KIAA1549L: variants seen among roughly 807,000 people sequenced by gnomAD.
KIAA1549L encodes UPF0606 protein KIAA1549L.
Under a neutral mutation model 160.7 loss-of-function variants are expected in KIAA1549L, and 88 were observed. The observed-to-expected ratio is 0.55, with a 90% CI of 0.46 to 0.65. The LOEUF (loss-of-function observed/expected upper bound fraction) is 0.65, where lower values mean the gene tolerates loss of function less well. Among genes scored for constraint, KIAA1549L ranks in the 30% least tolerant of loss-of-function variants. KIAA1549L has a pLI of 0.00. For missense variants in KIAA1549L, 2,258 were observed against 2,437.5 expected (o/e 0.93, Z 1.55); for synonymous variants, 950 against 976.7 (o/e 0.97, Z 0.51).
intron 17 of KIAA1549L, among the ~76,000 whole-genome samples, chr11:33,651,214 G>A (rs542814632): frequency 1.4e-4 from 22 of 152,162 alleles, no homozygotes; most frequent in South Asian, 8.3e-4. Context: ...ATAGTCAGGC[G>A]GATCACAAGG....
At chr11:33,571,121 A>G (rs571392551) in intron 9 of KIAA1549L, among the ~76,000 whole-genome samples, 1 of 152,320 alleles carries the variant, frequency 6.6e-6, no homozygotes, top group African/African-American at 2.4e-5. Context: ...CGTCTCTACT[A>G]AAAATACAAA....
intron 16 of KIAA1549L, among the ~76,000 whole-genome samples, chr11:33,625,973 CATAT>C (rs1277166608): frequency 6.7e-6 from 1 of 149,688 alleles, no homozygotes; most frequent in East Asian, 1.9e-4. Flanking sequence ...CAGCTTTCTA[CATAT>C]GGCTAGCCAG....
intron 1 of KIAA1549L, among the ~76,000 whole-genome samples, chr11:33,538,912 T>C (rs1376354607): frequency 6.6e-6 from 1 of 152,230 alleles, no homozygotes; most frequent in Non-Finnish European, 1.5e-5. Context: ...TGCCTACAGA[T>C]AGCATAGGCT....
chr11:33,628,501 A>C (rs1851182934), intron 16 of KIAA1549L, among the ~76,000 whole-genome samples: 1 of 150,088 alleles, frequency 6.7e-6, no homozygotes. Context: ...TAGGATAGTT[A>C]GCTCTTCTTG....
At chr11:33,530,065 C>G (rs571593628) in intron 1 of KIAA1549L, among the ~76,000 whole-genome samples, 50 of 151,920 alleles carry the variant, frequency 3.3e-4, no homozygotes, top group Non-Finnish European at 6.2e-4. Context: ...ACTTGACTCC[C>G]CTTTGGGCCA....
intron 1 of KIAA1549L, among the ~76,000 whole-genome samples, chr11:33,418,948 G>A (rs1338886595): frequency 6.6e-6 from 1 of 151,012 alleles, no homozygotes; most frequent in Non-Finnish European, 1.5e-5. Flanking sequence ...CACCCAGGCT[G>A]GAATGTCGTG....
intron 11 of KIAA1549L, among the ~76,000 whole-genome samples, chr11:33,590,179 C>T (rs1396857469): frequency 6.6e-6 from 1 of 152,212 alleles, no homozygotes; most frequent in East Asian, 1.9e-4. Context: ...CTCTCACAAA[C>T]ATATAAATTG....
chr11:33,446,274 T>C (rs1411078919), intron 1 of KIAA1549L, among the ~76,000 whole-genome samples: 1 of 152,120 alleles, frequency 6.6e-6, no homozygotes, highest in Non-Finnish European at 1.5e-5. Context: ...TTTGTATTTT[T>C]AGTAGAGACA....
intron 1 of KIAA1549L, among the ~76,000 whole-genome samples, chr11:33,451,604 AG>A (rs1851722282): frequency 1.3e-5 from 2 of 152,216 alleles, no homozygotes; most frequent in Admixed American, 6.5e-5. Flanking sequence ...TTGTAGCTGA[AG>A]GGTTGTTCTG....
intron 1 of KIAA1549L, among the ~76,000 whole-genome samples, chr11:33,507,919 C>T (rs1410537891): frequency 6.6e-6 from 1 of 152,136 alleles, no homozygotes; most frequent in Non-Finnish European, 1.5e-5. Flanking sequence ...TTACTGACTC[C>T]ATGGGAGGGC....
intron 1 of KIAA1549L, among the ~76,000 whole-genome samples, chr11:33,496,377 G>A (rs1409057954): frequency 6.6e-6 from 1 of 152,200 alleles, no homozygotes; most frequent in Non-Finnish European, 1.5e-5. Flanking sequence ...ATTTCTGGGT[G>A]CGAAGTCACT....
intron 18 of KIAA1549L, 81 bp downstream of exon 18, chr11:33,656,190 G>A (rs1852059196): frequency 1.2e-5 from 13 of 1,073,946 alleles, no homozygotes; most frequent in East Asian, 7.7e-5. Flanking sequence ...CAACAGCACC[G>A]GCAAATTTCC....
At chr11:33,547,408 C>T (rs973331597) in intron 3 of KIAA1549L, among the ~76,000 whole-genome samples, 2 of 152,216 alleles carry the variant, frequency 1.3e-5, no homozygotes, top group Non-Finnish European at 1.5e-5. Flanking sequence ...GGCCGCAGCA[C>T]CGAGCTCAGG....
chr11:33,386,904 C>T (rs151129534), intron 1 of KIAA1549L, among the ~76,000 whole-genome samples: 2,652 of 152,068 alleles, frequency 0.017, 75 homozygotes, highest in African/African-American at 0.06. Context: ...GTCAGGAGTT[C>T]GAGACCATCC....
At chr11:33,435,794 A>ATATGTG (rs1851351489) in intron 1 of KIAA1549L, among the ~76,000 whole-genome samples, 3 of 32,358 alleles carry the variant, frequency 9.3e-5, no homozygotes, top group African/African-American at 6.7e-4. Context: ...ATATATATAT[A>ATATGTG]TATATATATA....
intron 1 of KIAA1549L, among the ~76,000 whole-genome samples, chr11:33,527,484 T>C (rs934553099): frequency 1.3e-5 from 2 of 152,112 alleles, no homozygotes; most frequent in African/African-American, 4.8e-5. Flanking sequence ...TCATAAAAAT[T>C]ATAAAAGATA....
At chr11:33,597,822 G>A (rs952861305) in intron 12 of KIAA1549L, among the ~76,000 whole-genome samples, 1 of 152,200 alleles carries the variant, frequency 6.6e-6, no homozygotes, top group African/African-American at 2.4e-5. Flanking sequence ...TGGGATGAGG[G>A]AGGAGGGGGA....
chr11:33,434,013 C>G (rs1590241293), intron 1 of KIAA1549L, among the ~76,000 whole-genome samples: 1 of 151,916 alleles, frequency 6.6e-6, no homozygotes, highest in Non-Finnish European at 1.5e-5. Context: ...CACATGTATA[C>G]CCATGTAACC....
At chr11:33,497,104 A>G (rs1357644028) in intron 1 of KIAA1549L, among the ~76,000 whole-genome samples, 5 of 152,110 alleles carry the variant, frequency 3.3e-5, no homozygotes, top group East Asian at 1.9e-4. Context: ...AATTTAAGGT[A>G]GCCTGGCACT....
Sources: allele counts gnomAD v4.1 joint callset (sites outside exome capture counted in the v4.1 genomes callset), GRCh38; gene constraint gnomAD v4.1.1; transcripts MANE v1.5; gene names NCBI Gene and HGNC (gene_info 2026-07-23, HGNC 2026-07-21).